The following MED25 variants were observed in gnomAD, a reference collection of about 807,000 sequenced individuals.
The protein encoded by MED25 is mediator of RNA polymerase II transcription subunit 25.
MED25 carries 62 observed loss-of-function variants against 89.4 expected under a neutral mutation model. The observed-to-expected ratio is 0.69, with a 90% confidence interval of 0.57 to 0.86. The LOEUF (loss-of-function observed/expected upper bound fraction) is 0.86, where lower values mean the gene tolerates loss of function less well. Ranked by LOEUF, MED25 falls within the 40% of genes least tolerant of loss-of-function variation. The pLI is 0.00. For missense variants in MED25, 905 were observed against 1,005.2 expected (o/e 0.90, Z 1.35); for synonymous variants, 449 against 427.9 (o/e 1.05, Z -0.61).
chr19:49,836,479 CGA>C lies in MED25; in HGVS notation c.2146+75_2146+76del. The C allele has an allele frequency of 6.7e-7, 1 of 1,496,304 alleles. No homozygotes were observed. Among genetic ancestry groups the C allele is most frequent in the African/African-American group, 1.4e-5 (1 of 72,072 alleles). 92.7% of individuals were successfully genotyped at this position (1,496,304 alleles called of 1,614,324 possible). Reference sequence around the variant, plus strand: ...AGCTCCTGGGCTAGAGCACCAAGACCGAGTGCTCCTGGGAAGTAAAGACATAG... The same window carrying C: ...AGCTCCTGGGCTAGAGCACCAAGACCGTGCTCCTGGGAAGTAAAGACATAG... On this transcript the variant is annotated intron_variant, in intron 17 of 17. Coordinates refer to ENST00000312865, the MANE Select transcript of MED25 (RefSeq NM_030973.4). The surrounding 1 kb of genome is among the most constrained non-coding windows in gnomAD (Gnocchi z 5.1).
At chr19:49,838,288 T>G (rs2074113490), downstream of MED25, 1 of 315,054 alleles carries the variant, frequency 3.2e-6, no homozygotes, top group South Asian at 2.7e-5. Context: ...AAAATCAGGT[T>G]AATTCACACA....
intron 13 of MED25, chr19:49,832,749 A>AC: frequency 2.6e-6 from 1 of 387,976 alleles, no homozygotes; most frequent in Non-Finnish European, 4.9e-6. Context: ...GGGGCTTAAA[A>AC]CAACAGAAAC....
At chr19:49,839,899 G>A (rs1465730448), downstream of MED25, 1 of 152,194 alleles carries the variant, frequency 6.6e-6, no homozygotes, top group South Asian at 2.1e-4. Flanking sequence ...GTTGGCAGAT[G>A]TTTCTTGTGT....
intron 2 of MED25, 162 bp from the exon 3 acceptor site, chr19:49,819,010 T>A: frequency 1.1e-6 from 1 of 897,026 alleles, no homozygotes. Flanking sequence ...TTCCTGGGTC[T>A]GAGGGAGAAG....
chr19:49,831,305 C>T lies in MED25; in HGVS notation c.1102-28C>T, dbSNP rs1484517191. On this transcript the variant is annotated intron_variant, in intron 9 of 17. Coordinates refer to ENST00000312865, the MANE Select transcript of MED25 (RefSeq NM_030973.4). The surrounding 1 kb of genome is among the most constrained non-coding windows in gnomAD (Gnocchi z 5.0). ...GGAGGCTCCCGGCCTTCCCCATTCT[C>T]ATGGCCCTCCTTCCTCCCCTCTGGC... 7 of 1,605,534 alleles carry T rather than the reference C, an allele frequency of 4.4e-6. No homozygotes were observed. The Admixed American group carries it at 8.4e-5, about 19-fold the overall frequency.
At chr19:49,828,754 C>G (rs1023736154) in intron 4 of MED25, among the ~76,000 whole-genome samples, 2 of 152,242 alleles carry the variant, frequency 1.3e-5, no homozygotes, top group African/African-American at 2.4e-5. Context: ...GAAGCAGTGC[C>G]AACTCTGGGT....
chr19:49,835,253 A>G lies in MED25; in HGVS notation c.1674+76A>G. ...CCCCACATGGCCCCCTGGGGTCTCC[A>G]GGACCAAGATGCCCACCCTTCTCCC... On this transcript the variant is annotated intron_variant, in intron 14 of 17. Transcript: ENST00000312865. The surrounding 1 kb of genome is among the most constrained non-coding windows in gnomAD (Gnocchi z 6.2). 1 of 1,499,240 alleles carries G rather than the reference A, an allele frequency of 6.7e-7. No homozygotes were observed. The highest frequency in any genetic ancestry group is 9.3e-7 in the Non-Finnish European group (1 of 1,076,422). 92.9% of individuals were successfully genotyped at this position (1,499,240 alleles called of 1,614,324 possible).
chr19:49,835,937 C>G lies in MED25; in HGVS notation c.1957C>G (p.Pro653Ala). 4.3e-6 allele frequency: 7 copies of G among 1,612,908 alleles called. No individual in the cohort carries two copies. Among genetic ancestry groups the G allele is most frequent in the Non-Finnish European group, 5.9e-6 (7 of 1,179,970 alleles). The change falls in exon 16 of 18, where the codon CCA becomes GCA. Residue 653 changes from proline to alanine, a missense_variant. This residue lies in a region of MED25 where 271 missense variants were observed against 258.1 expected (regional missense o/e 1.05). Coordinates refer to ENST00000312865, the MANE Select transcript of MED25 (RefSeq NM_030973.4). This position sits in a 1 kb window ranked among gnomAD's most constrained non-coding sequence, Gnocchi z 6.2. The part of the protein sequence containing the change: ...NPQLRSLLLN[P>A]PPPQTGVPPP... The stretch of plus-strand genomic sequence containing the variant: ...TCAGCTGCGAAGCCTCCTCCTCAAC[C>G]CACCACCGGTGAGATGTTGGGGTGG...
intron 3 of MED25, among the ~76,000 whole-genome samples, chr19:49,820,160 G>A (rs189179708): frequency 6.6e-6 from 1 of 152,182 alleles, no homozygotes; most frequent in Admixed American, 6.5e-5. Context: ...GAGAGCCCTC[G>A]GGTTAAAGCA....
downstream of MED25, chr19:49,838,863 C>A: frequency 2.4e-6 from 1 of 416,254 alleles, no homozygotes. Context: ...AGTGGCGCGG[C>A]AGTGGTACGC....
At position 49,829,757 on chromosome 19, in the gene MED25, G is replaced by T; in HGVS notation, c.526-29G>T. On this transcript the variant is annotated intron_variant, in intron 5 of 17. Coordinates refer to ENST00000312865, the MANE Select transcript of MED25 (RefSeq NM_030973.4). The surrounding 1 kb of genome is among the most constrained non-coding windows in gnomAD (Gnocchi z 4.6). The stretch of plus-strand genomic sequence containing the variant: ...CCCAACACCCTTATGGAGGGGGCCC[G>T]TCATGACTGCTCGGCCCCTCTCCTA... 1 of 1,565,870 alleles carries T rather than the reference G, an allele frequency of 6.4e-7. No individual in the cohort carries two copies. The highest frequency in any genetic ancestry group is 8.7e-7 in the Non-Finnish European group (1 of 1,155,574).
Position 49,830,561 on chromosome 19 carries a change from G to A in MED25, c.870G>A (p.Glu290=), listed in dbSNP as rs765698938. ...AGGTGGCCGCGCAGAATGCAGTGGA[G>A]GCTGCCAAGAACCAGAAGGCTGGGC... The part of the protein sequence containing the change: ...AAQVAAQNAV[E]AAKNQKAGLG... Residue 290 remains glutamate (E), a synonymous_variant, in exon 8 of 18, where the codon GAG becomes GAA. Coordinates refer to ENST00000312865, the MANE Select transcript of MED25 (RefSeq NM_030973.4). This position sits in a 1 kb window ranked among gnomAD's most constrained non-coding sequence, Gnocchi z 4.6. 2.5e-6 allele frequency: 4 copies of A among 1,614,066 alleles called. No individual in the cohort carries two copies. The South Asian group carries it at 4.4e-5, about 18-fold the overall frequency.
chr19:49,830,466 C>G lies in MED25; in HGVS notation c.820-45C>G. ...CTCGTGGGATACCAGGACTGGGGGG[C>G]CATGGTCCTCACCAGTCCCTTCCCT... On this transcript the variant is annotated intron_variant, in intron 7 of 17. Coordinates refer to ENST00000312865, the MANE Select transcript of MED25 (RefSeq NM_030973.4). This position sits in a 1 kb window ranked among gnomAD's most constrained non-coding sequence, Gnocchi z 4.6. 1 of 1,577,060 alleles carries G rather than the reference C, an allele frequency of 6.3e-7. No homozygotes were observed. The highest frequency in any genetic ancestry group is 8.7e-7 in the Non-Finnish European group (1 of 1,147,068).
At chr19:49,820,548 G>A (rs2073974988) in intron 3 of MED25, among the ~76,000 whole-genome samples, 1 of 152,132 alleles carries the variant, frequency 6.6e-6, no homozygotes, top group African/African-American at 2.4e-5. Flanking sequence ...CAGAGAACAG[G>A]AATCTATAAA....
rs149804221 is a variant in MED25 at position 49,830,816 on chromosome 19, C to T, written c.1030C>T (p.Pro344Ser). 4 of 1,613,268 alleles carry T rather than the reference C, an allele frequency of 2.5e-6. No individual in the cohort carries two copies. The African/African-American group carries it at 5.3e-5, about 22-fold the overall frequency. Residue 344 changes from proline (P) to serine (S), a missense_variant, in exon 9 of 18, where the codon CCC (proline) becomes TCC (serine). By Grantham distance (74) the Pro-to-Ser change is moderately conservative (BLOSUM62 -1). Coordinates refer to ENST00000312865, the MANE Select transcript of MED25 (RefSeq NM_030973.4). This position sits in a 1 kb window ranked among gnomAD's most constrained non-coding sequence, Gnocchi z 4.6. Reference protein sequence around the residue: ...GAPKPPPASQPSLVSTVAPGS... With the variant: ...GAPKPPPASQSSLVSTVAPGS... ...CCCCAAGCCACCACCTGCTTCCCAG[C>T]CCAGTCTGGTCTCCACTGTGGCCCC...
At chr19:49,823,154 G>A (rs2073994639) in intron 3 of MED25, among the ~76,000 whole-genome samples, 2 of 152,096 alleles carry the variant, frequency 1.3e-5, no homozygotes, top group Non-Finnish European at 2.9e-5. Context: ...AGGTCTTGCT[G>A]TGTTGCTCAG....
chr19:49,821,685 C>T (rs1221880478), intron 3 of MED25, among the ~76,000 whole-genome samples: 6 of 152,002 alleles, frequency 3.9e-5, no homozygotes, highest in African/African-American at 9.7e-5. Flanking sequence ...GGCATGGTGG[C>T]GCATGCCTGT....
intron 3 of MED25, among the ~76,000 whole-genome samples, chr19:49,823,888 T>C (rs1339005019): frequency 1.3e-5 from 2 of 152,156 alleles, no homozygotes; most frequent in Non-Finnish European, 2.9e-5. Context: ...CCTTGGCCTC[T>C]ACTCACTAGA....
At chr19:49,826,591 C>T (rs2123873243) in intron 3 of MED25, among the ~76,000 whole-genome samples, 1 of 152,296 alleles carries the variant, frequency 6.6e-6, no homozygotes, top group Non-Finnish European at 1.5e-5. Context: ...CCTTGTGTGA[C>T]CTAGGGTCAG....
Sources: allele counts gnomAD v4.1 joint callset (sites outside exome capture counted in the v4.1 genomes callset), GRCh38; gene constraint gnomAD v4.1.1; regional missense constraint gnomAD v4.1.1; non-coding constraint Gnocchi (gnomAD v3.1); transcripts MANE v1.5; gene names NCBI Gene and HGNC (gene_info 2026-07-23, HGNC 2026-07-21).